AGAP1: variants seen among roughly 807,000 people sequenced by gnomAD.
AGAP1 encodes the protein arf-GAP with GTPase, ANK repeat and PH domain-containing protein 1.
AGAP1 carries 29 observed loss-of-function variants against 105.3 expected under a neutral mutation model. That is an observed-to-expected ratio of 0.28 (90% CI 0.21 to 0.38). AGAP1 has a LOEUF of 0.38. Ranked by LOEUF, AGAP1 falls within the 10% of genes least tolerant of loss-of-function variation. The pLI, the probability that AGAP1 is intolerant of heterozygous loss-of-function variation, is 1.00. For missense variants in AGAP1, 998 were observed against 1,165.1 expected (o/e 0.86, Z 2.09); for synonymous variants, 509 against 485.9 (o/e 1.05, Z -0.63).
At position 236,009,586 on chromosome 2, in the gene AGAP1, G is replaced by A. The variant is rs980746067; in HGVS notation, c.1646-26975G>A. Among the ~76,000 whole-genome samples, 2 of 152,130 alleles carry A rather than the reference G, an allele frequency of 1.3e-5. No individual in the cohort carries two copies. Among genetic ancestry groups the A allele is most frequent in the African/African-American group, 2.4e-5 (1 of 41,424 alleles). On this transcript the variant is annotated intron_variant, in intron 13 of 17. Coordinates refer to ENST00000304032, the MANE Select transcript of AGAP1 (RefSeq NM_001037131.3). This position sits in a 1 kb window ranked among gnomAD's most constrained non-coding sequence, Gnocchi z 4.2. Reference sequence around the variant, plus strand: ...ACTTTTCTTAGAGGTACAAATTTACGCTCCCTTCTATGAATAGAGAGGGCT... The same window carrying A: ...ACTTTTCTTAGAGGTACAAATTTACACTCCCTTCTATGAATAGAGAGGGCT...
chr2:235,871,015 T>C (rs1464768819), intron 9 of AGAP1, among the ~76,000 whole-genome samples: 2 of 152,232 alleles, frequency 1.3e-5, no homozygotes, highest in African/African-American at 4.8e-5. Context: ...GATTTCTCTC[T>C]CTAATCCATG....
intron 9 of AGAP1, among the ~76,000 whole-genome samples, chr2:235,854,579 A>G (rs2048606030): frequency 1.3e-5 from 2 of 152,218 alleles, no homozygotes; most frequent in African/African-American, 4.8e-5. Flanking sequence ...TCAGCGCATT[A>G]TAGGAAACCA....
intron 13 of AGAP1, among the ~76,000 whole-genome samples, chr2:235,985,877 G>A (rs575376598): frequency 4.6e-5 from 7 of 152,280 alleles, no homozygotes; most frequent in African/African-American, 1.7e-4. Context: ...CTGTAGCCTT[G>A]TATATAGTTT....
Position 236,038,510 on chromosome 2 carries a change from C to T in AGAP1, c.1800+1795C>T, listed in dbSNP as rs1201808274. 2.6e-5 allele frequency among the ~76,000 whole-genome samples: 4 copies of T among 152,274 alleles called. No homozygotes were observed. The highest frequency in any genetic ancestry group is 6.5e-5 in the Admixed American group (1 of 15,302). On this transcript the variant is annotated intron_variant, in intron 14 of 17. Coordinates refer to ENST00000304032, the MANE Select transcript of AGAP1 (RefSeq NM_001037131.3). The surrounding 1 kb of genome is among the most constrained non-coding windows in gnomAD (Gnocchi z 4.5). ...AATGCTGCCCTCGGCCCTCACTAGG[C>T]GCCTGTTCTCCAGGGAATTGCTCCC...
intron 13 of AGAP1, among the ~76,000 whole-genome samples, chr2:236,010,378 C>CT (rs1296116674): frequency 6.6e-6 from 1 of 152,178 alleles, no homozygotes; most frequent in Middle Eastern, 3.2e-3. Context: ...TTACAAGGAG[C>CT]TGAGTATATT....
chr2:235,728,667 C>T lies in AGAP1; in HGVS notation c.310+11023C>T, dbSNP rs1192979590. ...TCGCCAGCATTTATTTTCTGAGCCC[C>T]ATTTCTTAATGTTGTATATTTTTTT... On this transcript the variant is annotated intron_variant, in intron 3 of 17. Transcript: ENST00000304032. The surrounding 1 kb of genome is among the most constrained non-coding windows in gnomAD (Gnocchi z 4.3). Among the ~76,000 whole-genome samples the T allele has an allele frequency of 6.6e-6, 1 of 151,954 alleles. No individual in the cohort carries two copies. The highest frequency in any genetic ancestry group is 2.4e-5 in the African/African-American group (1 of 41,296).
rs1465609111 is a variant in AGAP1, at chr2:235,705,491, C to G, written c.164-3688C>G. On this transcript the variant is annotated intron_variant, in intron 1 of 17. Coordinates refer to ENST00000304032, the MANE Select transcript of AGAP1 (RefSeq NM_001037131.3). The surrounding 1 kb of genome is among the most constrained non-coding windows in gnomAD (Gnocchi z 4.9). The stretch of plus-strand genomic sequence containing the variant: ...GACCCTGCCCCACCCTTCCTCGACC[C>G]CACCTACTGAGTGATGAACAATTCC... Among the ~76,000 whole-genome samples the G allele has an allele frequency of 6.6e-6, 1 of 152,324 alleles. No individual in the cohort carries two copies. Among genetic ancestry groups the G allele is most frequent in the Non-Finnish European group, 1.5e-5 (1 of 68,028 alleles).
Position 236,101,347 on chromosome 2 carries a change from T to C in AGAP1, c.2115-18845T>C, listed in dbSNP as rs1173839206. On this transcript the variant is annotated intron_variant, in intron 16 of 17. Transcript: ENST00000304032. The surrounding 1 kb of genome is among the most constrained non-coding windows in gnomAD (Gnocchi z 4.9). ...CACAGGCCGCAGTTCTTAAAGCCAC[T>C]TGGCAGTTTTTATTGGAAGCCTACT... Among the ~76,000 whole-genome samples the C allele has an allele frequency of 6.6e-6, 1 of 152,208 alleles. No homozygotes were observed. The highest frequency in any genetic ancestry group is 1.9e-4 in the East Asian group (1 of 5,190).
At chr2:235,651,629 A>G (rs774784521) in intron 1 of AGAP1, among the ~76,000 whole-genome samples, 13 of 152,158 alleles carry the variant, frequency 8.5e-5, no homozygotes, top group African/African-American at 2.9e-4. Flanking sequence ...CTGTTGGCAG[A>G]TTAAGCCTGT....
rs536089848 is a variant in AGAP1, at chr2:235,599,264, G to A, written c.163+104415G>A. On this transcript the variant is annotated intron_variant, in intron 1 of 17. Coordinates refer to ENST00000304032, the MANE Select transcript of AGAP1 (RefSeq NM_001037131.3). The surrounding 1 kb of genome is among the most constrained non-coding windows in gnomAD (Gnocchi z 5.3). ...TGTTCATTTCGGTGGCCGAGGGCCT[G>A]TGGGCTGCAGTACGTTTACACTGTG... Among the ~76,000 whole-genome samples, 8 of 152,288 alleles carry A rather than the reference G, an allele frequency of 5.3e-5. No individual in the cohort carries two copies. Among genetic ancestry groups the A allele is most frequent in the African/African-American group, 1.9e-4 (8 of 41,568 alleles).
chr2:235,716,278 G>A lies in AGAP1; in HGVS notation c.223-1279G>A, dbSNP rs1469209908. 6.6e-6 allele frequency among the ~76,000 whole-genome samples: 1 copy of A among 152,204 alleles called. No individual in the cohort carries two copies. The highest frequency in any genetic ancestry group is 1.5e-5 in the Non-Finnish European group (1 of 68,036). ...CTGCAGATGGAGGAAGAACCCACAG[G>A]GCTGGGAGGGAGGTAGAGGCGGAAG... On this transcript the variant is annotated intron_variant, in intron 2 of 17. Coordinates refer to ENST00000304032, the MANE Select transcript of AGAP1 (RefSeq NM_001037131.3). The surrounding 1 kb of genome is among the most constrained non-coding windows in gnomAD (Gnocchi z 4.0).
chr2:235,984,338 T>C (rs2055215469), intron 13 of AGAP1, among the ~76,000 whole-genome samples: 2 of 152,298 alleles, frequency 1.3e-5, no homozygotes, highest in South Asian at 4.1e-4. Flanking sequence ...TTATGAAGGA[T>C]GCTGCGTGAA....
rs1311463413 is a variant in AGAP1 at position 235,753,826 on chromosome 2, T to A, written c.673+3338T>A. On this transcript the variant is annotated intron_variant, in intron 6 of 17. Coordinates refer to ENST00000304032, the MANE Select transcript of AGAP1 (RefSeq NM_001037131.3). This position sits in a 1 kb window ranked among gnomAD's most constrained non-coding sequence, Gnocchi z 4.5. ...TATTTTCATATGAAGATAACATTTT[T>A]AAAATAAAATCAGTTACTTTGTATA... Among the ~76,000 whole-genome samples, 1 of 152,242 alleles carries A rather than the reference T, an allele frequency of 6.6e-6. No homozygotes were observed. The highest frequency in any genetic ancestry group is 6.5e-5 in the Admixed American group (1 of 15,288).
Position 235,957,700 on chromosome 2 carries a change from G to A in AGAP1, c.1484-10762G>A, listed in dbSNP as rs562701626. Among the ~76,000 whole-genome samples the A allele has an allele frequency of 3.7e-4, 56 of 152,246 alleles. No individual in the cohort carries two copies. The highest frequency in any genetic ancestry group is 5.9e-4 in the Admixed American group (9 of 15,296). Reference sequence around the variant, plus strand: ...AAAGGTGGCCTGTTCTTTATTTACCGGCCTACACATCTCTGTAAGCTTCAG... The same window carrying A: ...AAAGGTGGCCTGTTCTTTATTTACCAGCCTACACATCTCTGTAAGCTTCAG... On this transcript the variant is annotated intron_variant, in intron 12 of 17. Transcript: ENST00000304032. The surrounding 1 kb of genome is among the most constrained non-coding windows in gnomAD (Gnocchi z 4.6).
At chr2:235,539,868 A>C (rs988295602) in intron 1 of AGAP1, among the ~76,000 whole-genome samples, 2 of 152,318 alleles carry the variant, frequency 1.3e-5, no homozygotes, top group Admixed American at 6.5e-5. Flanking sequence ...TTTCTCTTGC[A>C]CTTGTTTTCG....
At chr2:235,831,008 C>T (rs916768862) in intron 9 of AGAP1, among the ~76,000 whole-genome samples, 5 of 152,018 alleles carry the variant, frequency 3.3e-5, no homozygotes, top group Admixed American at 6.5e-5. Context: ...AGCCGTTGTA[C>T]GGGGCTGGCA....
intron 11 of AGAP1, among the ~76,000 whole-genome samples, chr2:235,920,537 G>A (rs2052132247): frequency 6.6e-6 from 1 of 152,170 alleles, no homozygotes; most frequent in Admixed American, 6.5e-5. Context: ...TGGGATGCTG[G>A]AAGATGGGGG....
Position 236,124,278 on chromosome 2 carries a change from A to C in AGAP1, c.*156A>C. ...ACCCACTCTCACCCCAAACAAAATC[A>C]CAAAACCTGGACATCCCTCAAGGGG... On this transcript the variant is annotated 3_prime_UTR_variant, in exon 18 of 18. Transcript: ENST00000304032. The surrounding 1 kb of genome is among the most constrained non-coding windows in gnomAD (Gnocchi z 5.1). 4 of 829,164 alleles carry C rather than the reference A, an allele frequency of 4.8e-6. No homozygotes were observed. Among genetic ancestry groups the C allele is most frequent in the Non-Finnish European group, 7.3e-6 (4 of 548,620 alleles). The allele number at this position is 829,164 out of a possible 1,614,324, so 51.4% of individuals were successfully genotyped here. A position where few individuals can be genotyped will look rare whatever the true frequency, so the allele number is the denominator to read the frequency against.
chr2:235,798,387 A>G (rs775159548), intron 7 of AGAP1, among the ~76,000 whole-genome samples: 1 of 152,218 alleles, frequency 6.6e-6, no homozygotes, highest in Non-Finnish European at 1.5e-5. Context: ...GAAGAACTCA[A>G]CCAACAACCT....
Sources: allele counts gnomAD v4.1 joint callset (sites outside exome capture counted in the v4.1 genomes callset), GRCh38; gene constraint gnomAD v4.1.1; non-coding constraint Gnocchi (gnomAD v3.1); transcripts MANE v1.5; gene names NCBI Gene and HGNC (gene_info 2026-07-23, HGNC 2026-07-21).